The following LIMCH1 variants were observed in gnomAD, a reference collection of about 807,000 sequenced individuals.
LIMCH1 encodes the protein LIM and calponin homology domains-containing protein 1.
In LIMCH1, 113 loss-of-function variants were observed where a neutral mutation model predicts 176.5. That is an observed-to-expected ratio of 0.64 (90% CI 0.55 to 0.75). LIMCH1 has a LOEUF of 0.75. LIMCH1 is among the 30% of genes least tolerant of loss of function. LIMCH1 has a pLI of 0.00. For missense variants in LIMCH1, 1,674 were observed against 1,814.9 expected (o/e 0.92, Z 1.41); for synonymous variants, 619 against 645.9 (o/e 0.96, Z 0.63).
chr4:41,456,576 T>C (rs563043778), intron 1 of LIMCH1, among the ~76,000 whole-genome samples: 1 of 151,936 alleles, frequency 6.6e-6, no homozygotes, highest in Non-Finnish European at 1.5e-5. Flanking sequence ...AGATGCTGCC[T>C]TTATCAATGG....
In LIMCH1 at chr4:41,631,197, A is replaced by G; in HGVS notation, c.1321A>G (p.Lys441Glu). ...ICASEPSPEI[K>E]AETAIRDDFA... ...TGCTTCTGAGCCTTCCCCAGAAATTAAAGCAGAAACTGCCATTCGTGATGA... is the reference window on the plus strand; with the variant it reads ...TGCTTCTGAGCCTTCCCCAGAAATTGAAGCAGAAACTGCCATTCGTGATGA... Residue 441 changes from lysine to glutamate, a missense_variant, in exon 10 of 32, where the codon AAA (lysine) becomes GAA (glutamate). Transcript: ENST00000503057. 4 of 1,535,920 alleles carry G rather than the reference A, an allele frequency of 2.6e-6. No homozygotes were observed. Among genetic ancestry groups the G allele is most frequent in the Non-Finnish European group, 3.5e-6 (4 of 1,146,874 alleles).
intron 20 of LIMCH1, among the ~76,000 whole-genome samples, chr4:41,665,527 T>C (rs777406894): frequency 2.9e-4 from 44 of 152,208 alleles, no homozygotes; most frequent in Non-Finnish European, 5.9e-4. Context: ...ATTCTAACAT[T>C]AATTTATTCT....
intron 4 of LIMCH1, among the ~76,000 whole-genome samples, chr4:41,607,698 A>G (rs891089664): frequency 6.6e-6 from 1 of 151,766 alleles, no homozygotes; most frequent in South Asian, 2.1e-4. Flanking sequence ...GGTTTCTTCA[A>G]CTCTCCTAGC....
intron 1 of LIMCH1, among the ~76,000 whole-genome samples, chr4:41,417,935 ATT>A (rs939088082): frequency 2.0e-5 from 3 of 152,220 alleles, no homozygotes; most frequent in Non-Finnish European, 4.4e-5. Context: ...GGAACTATCC[ATT>A]TTCTTAAAAA....
At chr4:41,583,869 G>C (rs1208405467) in intron 1 of LIMCH1, among the ~76,000 whole-genome samples, 2 of 151,552 alleles carry the variant, frequency 1.3e-5, no homozygotes, top group Admixed American at 6.6e-5. Context: ...TATTTCAAGA[G>C]GACTTTTCCC....
chr4:41,635,898 C>A (rs529519636), intron 13 of LIMCH1, among the ~76,000 whole-genome samples: 1 of 152,246 alleles, frequency 6.6e-6, no homozygotes, highest in East Asian at 1.9e-4. Context: ...TTTCTACCTA[C>A]CCCTACCCTC....
At chr4:41,446,100 G>C (rs1033232794) in intron 1 of LIMCH1, among the ~76,000 whole-genome samples, 5 of 152,188 alleles carry the variant, frequency 3.3e-5, no homozygotes, top group Admixed American at 1.3e-4. Context: ...GAGGGTTGCT[G>C]TCAGTCTATT....
intron 1 of LIMCH1, among the ~76,000 whole-genome samples, chr4:41,433,991 T>C (rs553870366): frequency 2.5e-4 from 38 of 152,300 alleles, no homozygotes; most frequent in African/African-American, 8.9e-4. Flanking sequence ...TTTAGGGTTC[T>C]GGACAGACAC....
chr4:41,425,858 C>T (rs1435886960), intron 1 of LIMCH1, among the ~76,000 whole-genome samples: 1 of 152,168 alleles, frequency 6.6e-6, no homozygotes, highest in Non-Finnish European at 1.5e-5. Flanking sequence ...GACACTTAAA[C>T]TTCTAGTTTC....
intron 2 of LIMCH1, among the ~76,000 whole-genome samples, chr4:41,511,066 G>C (rs1251349138): frequency 1.3e-5 from 2 of 152,118 alleles, no homozygotes; most frequent in Admixed American, 1.3e-4. Context: ...CCCAAACATG[G>C]CTTCATCGTG....
intron 1 of LIMCH1, among the ~76,000 whole-genome samples, chr4:41,403,638 A>G (rs1015244454): frequency 3.3e-5 from 5 of 152,084 alleles, no homozygotes; most frequent in African/African-American, 1.2e-4. Context: ...GTGTTTGGTT[A>G]CTCTCCAGTA....
intron 1 of LIMCH1, among the ~76,000 whole-genome samples, chr4:41,459,977 A>G (rs946807304): frequency 1.3e-5 from 2 of 152,116 alleles, no homozygotes; most frequent in African/African-American, 4.8e-5. Context: ...TCTTCGCCCA[A>G]GTCTCTCACT....
At chr4:41,460,017 C>T (rs1486228361) in intron 1 of LIMCH1, among the ~76,000 whole-genome samples, 5 of 152,096 alleles carry the variant, frequency 3.3e-5, no homozygotes, top group African/African-American at 9.7e-5. Context: ...GACTTTCTTA[C>T]CTGGAAGCCG....
At chr4:41,447,182 A>G (rs2063369018) in intron 1 of LIMCH1, among the ~76,000 whole-genome samples, 1 of 152,238 alleles carries the variant, frequency 6.6e-6, no homozygotes, top group Non-Finnish European at 1.5e-5. Context: ...GTGAGCTGAG[A>G]TGGCCACTAA....
rs1017621033 is a variant in LIMCH1, at chr4:41,606,023, T to A, written c.9+19T>A. 1.9e-6 allele frequency: 3 copies of A among 1,538,926 alleles called. No homozygotes were observed. The highest frequency in any genetic ancestry group is 1.4e-5 in the African/African-American group (1 of 73,410). On this transcript the variant is annotated intron_variant, in intron 4 of 31. Coordinates refer to ENST00000503057, the MANE Select transcript of LIMCH1 (RefSeq NM_001330672.2). Reference sequence around the variant, plus strand: ...GCGAAAGGTAACTTGGCTTTTCTTCTTTATCCCATAAGCGTTAGACAAGGT... The same window carrying A: ...GCGAAAGGTAACTTGGCTTTTCTTCATTATCCCATAAGCGTTAGACAAGGT...
In LIMCH1 at chr4:41,629,507, A is replaced by T; in HGVS notation, c.1044A>T (p.Thr348=). 6.5e-7 allele frequency: 1 copy of T among 1,536,114 alleles called. No homozygotes were observed. The highest frequency in any genetic ancestry group is 8.7e-7 in the Non-Finnish European group (1 of 1,146,912). The change falls in exon 9 of 32, where the codon ACA becomes ACT. Residue 348 remains threonine (T), a synonymous_variant. Transcript: ENST00000503057. ...AAATGGACAGAAACCAGGGCCACAC[A>T]GAAGAGGTGAAGTTGATAGTGACCT... ...SLEYKRNQGH[T]EEVKLIVTCN...
intron 1 of LIMCH1, among the ~76,000 whole-genome samples, chr4:41,456,823 CAT>C (rs1472225425): frequency 6.6e-6 from 1 of 152,156 alleles, no homozygotes; most frequent in East Asian, 1.9e-4. Context: ...TGTTTGCTCA[CAT>C]GTCTGGTGGT....
chr4:41,530,376 G>T (rs754555939), intron 3 of LIMCH1, among the ~76,000 whole-genome samples: 53 of 152,214 alleles, frequency 3.5e-4, no homozygotes, highest in Admixed American at 9.8e-4. Flanking sequence ...ATTAGCTCTG[G>T]TGTGCCTCAA....
At chr4:41,579,529 C>G (rs1435703712) in intron 1 of LIMCH1, among the ~76,000 whole-genome samples, 1 of 152,204 alleles carries the variant, frequency 6.6e-6, no homozygotes, top group Non-Finnish European at 1.5e-5. Flanking sequence ...TGCAGTCCAT[C>G]TGGCGTACAG....
Sources: gnomAD v4.1 joint callset for allele counts (sites outside exome capture counted in the v4.1 genomes callset) on GRCh38, gnomAD v4.1.1 for gene constraint, MANE v1.5 for transcripts, NCBI Gene and HGNC (gene_info 2026-07-23, HGNC 2026-07-21) for gene names.